Variants in CHRM2 observed in about 807,000 individuals in gnomAD.
The protein encoded by CHRM2 is muscarinic acetylcholine receptor M2.
CHRM2 carries 8 observed loss-of-function variants against 25.0 expected under a neutral mutation model. The ratio of observed to expected loss-of-function variants is 0.32; its 90% CI spans 0.19 to 0.58. The LOEUF (loss-of-function observed/expected upper bound fraction) is 0.58. Among genes scored for constraint, CHRM2 ranks in the 20% least tolerant of loss-of-function variants. The pLI is 0.88. For synonymous variants in CHRM2, 202 were observed against 205.7 expected (o/e 0.98, Z 0.15); for missense variants, 440 against 567.1 (o/e 0.78, Z 2.28).
chr7:136,931,374 T>A (rs1799094727), intron 2 of CHRM2, among the ~76,000 whole-genome samples: 1 of 152,108 alleles, frequency 6.6e-6, no homozygotes, highest in Non-Finnish European at 1.5e-5. Context: ...AGATTTTGAT[T>A]CCTAAAGTGG....
Position 137,019,007 on chromosome 7 carries a change from C to T in CHRM2, c.*2741C>T, listed in dbSNP as rs1019332817. ...ACACTGGGAGGAATGCTATTGGTAT[C>T]TAGTGCATAGAGGCTGGGAATGCTG... On this transcript the variant is annotated 3_prime_UTR_variant, in exon 4 of 4. Transcript: ENST00000680005. 13 of 151,846 alleles carry T rather than the reference C, an allele frequency of 8.6e-5. No homozygotes were observed. Among genetic ancestry groups the T allele is most frequent in the Admixed American group, 7.2e-4 (11 of 15,196 alleles). 9.4% of individuals were successfully genotyped at this position (151,846 alleles called of 1,614,324 possible).
At chr7:136,937,258 A>G (rs906605596) in intron 2 of CHRM2, among the ~76,000 whole-genome samples, 23 of 152,212 alleles carry the variant, frequency 1.5e-4, no homozygotes, top group African/African-American at 4.6e-4. Flanking sequence ...CAGTTAGAAT[A>G]ACAGCCAAAG....
chr7:136,927,450 C>T (rs920409908), intron 2 of CHRM2, among the ~76,000 whole-genome samples: 9 of 151,758 alleles, frequency 5.9e-5, no homozygotes, highest in African/African-American at 1.5e-4. Flanking sequence ...GTTTTAAATG[C>T]TAACATTTGT....
intron 2 of CHRM2, among the ~76,000 whole-genome samples, chr7:136,962,022 T>C (rs754823916): frequency 6.6e-6 from 1 of 152,048 alleles, no homozygotes; most frequent in Non-Finnish European, 1.5e-5. Flanking sequence ...TTTTCTAGAA[T>C]CTGTAAAGGG....
chr7:136,912,760 AT>A, intron 2 of CHRM2, among the ~76,000 whole-genome samples: 1 of 152,084 alleles, frequency 6.6e-6, no homozygotes, highest in East Asian at 1.9e-4. Flanking sequence ...ATTAAAACAG[AT>A]AAATGTTTAC....
chr7:136,957,404 C>G (rs767623426), intron 2 of CHRM2, among the ~76,000 whole-genome samples: 1 of 152,190 alleles, frequency 6.6e-6, no homozygotes, highest in African/African-American at 2.4e-5. Context: ...AAGTTGTTGA[C>G]TTATTGGTTT....
At chr7:136,985,302 G>C (rs1053390859) in intron 2 of CHRM2, among the ~76,000 whole-genome samples, 2 of 143,716 alleles carry the variant, frequency 1.4e-5, no homozygotes, top group Non-Finnish European at 3.1e-5. Flanking sequence ...ATGAGGCCAG[G>C]AGTTTGAGAC....
At chr7:136,946,716 C>A (rs571557311) in intron 2 of CHRM2, among the ~76,000 whole-genome samples, 3 of 152,138 alleles carry the variant, frequency 2.0e-5, no homozygotes, top group Non-Finnish European at 4.4e-5. Context: ...TTTGTAAATA[C>A]ATTTGTAAAT....
In CHRM2 at chr7:136,890,020, C is replaced by T. The variant is rs183657322; in HGVS notation, c.-125+20602C>T. ...TACCACATTCAGCTGTTATTATTTTCTATCCATCTCCAGCATGAACTTTAC... is the reference window on the plus strand; with the variant it reads ...TACCACATTCAGCTGTTATTATTTTTTATCCATCTCCAGCATGAACTTTAC... On this transcript the variant is annotated intron_variant, in intron 2 of 3. Coordinates refer to ENST00000680005, the MANE Select transcript of CHRM2 (RefSeq NM_001006630.2). Among the ~76,000 whole-genome samples, 477 of 152,292 alleles carry T rather than the reference C, an allele frequency of 3.1e-3. 3 individuals are homozygous for T. Among genetic ancestry groups the T allele is most frequent in the Non-Finnish European group, 5.3e-3 (359 of 68,026 alleles).
intron 2 of CHRM2, among the ~76,000 whole-genome samples, chr7:136,900,826 A>G (rs949149276): frequency 1.3e-5 from 2 of 151,934 alleles, no homozygotes; most frequent in Admixed American, 6.6e-5. Context: ...AGGTTTCTGA[A>G]AAAGCCCCCA....
chr7:136,978,305 C>T (rs1802242893), intron 2 of CHRM2, among the ~76,000 whole-genome samples: 1 of 152,142 alleles, frequency 6.6e-6, no homozygotes, highest in Admixed American at 6.5e-5. Flanking sequence ...TTACTTGATT[C>T]ATTTAGCATG....
At chr7:137,005,990 A>G (rs1172974428) in intron 3 of CHRM2, among the ~76,000 whole-genome samples, 2 of 151,974 alleles carry the variant, frequency 1.3e-5, no homozygotes, top group Admixed American at 6.6e-5. Flanking sequence ...AATTGCTTCC[A>G]TTTTCCTTTC....
At chr7:136,870,519 A>G (rs759985794) in intron 2 of CHRM2, 1 of 152,476 alleles carries the variant, frequency 6.6e-6, no homozygotes. Flanking sequence ...CCCTTTCTCT[A>G]TCTTCCTGCC....
chr7:136,985,889 C>T (rs1384821184), intron 2 of CHRM2, among the ~76,000 whole-genome samples: 1 of 152,234 alleles, frequency 6.6e-6, no homozygotes, highest in Non-Finnish European at 1.5e-5. Context: ...TCAGCTTCCA[C>T]ACTGAGGTGA....
At chr7:136,912,913 G>A (rs531693656) in intron 2 of CHRM2, among the ~76,000 whole-genome samples, 1 of 152,016 alleles carries the variant, frequency 6.6e-6, no homozygotes, top group South Asian at 2.1e-4. Context: ...CCAACTAAGT[G>A]AGATAATCTG....
intron 2 of CHRM2, among the ~76,000 whole-genome samples, chr7:136,942,456 C>A (rs999073145): frequency 1.3e-5 from 2 of 152,182 alleles, no homozygotes; most frequent in East Asian, 3.9e-4. Context: ...CAATCACAAG[C>A]AGGGCACCCC....
chr7:137,016,683 GA>G lies in CHRM2; in HGVS notation c.*418del. 4.9e-6 allele frequency: 1 copy of G among 203,790 alleles called. No individual in the cohort carries two copies. Among genetic ancestry groups the G allele is most frequent in the South Asian group, 1.1e-4 (1 of 9,246 alleles). 12.6% of individuals were successfully genotyped at this position (203,790 alleles called of 1,614,324 possible). On this transcript the variant is annotated 3_prime_UTR_variant, in exon 4 of 4. Coordinates refer to ENST00000680005, the MANE Select transcript of CHRM2 (RefSeq NM_001006630.2). The stretch of plus-strand genomic sequence containing the variant: ...ATGCCACAGTTACAAGGTAAACATG[GA>G]GACTTAAACATAAAGAAATAGGCAC...
chr7:137,014,976 C>T lies in CHRM2; in HGVS notation c.111C>T (p.Thr37=), dbSNP rs1417354103. The T allele has an allele frequency of 1.2e-6, 2 of 1,613,224 alleles. No individual in the cohort carries two copies. The highest frequency in any genetic ancestry group is 1.7e-6 in the Non-Finnish European group (2 of 1,179,552). The change falls in exon 4 of 4, where the codon ACC becomes ACT. Residue 37 remains threonine (T), a synonymous_variant. Transcript: ENST00000680005. ...VLVAGSLSLV[T]IIGNILVMVS... ...TGGCTGGATCCCTCAGTTTGGTGAC[C>T]ATTATCGGGAACATCCTAGTCATGG...
At chr7:136,899,469 A>G (rs951773269) in intron 2 of CHRM2, 2 of 152,144 alleles carry the variant, frequency 1.3e-5, no homozygotes, top group African/African-American at 4.8e-5. Flanking sequence ...CTATTAGCCA[A>G]ATGAGATAAA....
Sources: gnomAD v4.1 joint callset for allele counts (sites outside exome capture counted in the v4.1 genomes callset) on GRCh38, gnomAD v4.1.1 for gene constraint, MANE v1.5 for transcripts, NCBI Gene and HGNC (gene_info 2026-07-23, HGNC 2026-07-21) for gene names.